Variants in NDE1 observed in about 807,000 individuals in gnomAD.
NDE1 encodes the protein nudE neurodevelopment protein 1.
A neutral mutation model predicts 43.4 loss-of-function variants in NDE1; 28 were observed. The ratio of observed to expected loss-of-function variants is 0.65; its 90% confidence interval spans 0.48 to 0.89. NDE1 has a LOEUF of 0.89. Ranked by LOEUF, NDE1 falls within the 40% of genes least tolerant of loss-of-function variation. The pLI is 0.00. For synonymous variants in NDE1, 184 were observed against 172.0 expected (o/e 1.07, Z -0.55); for missense variants, 441 against 434.1 (o/e 1.02, Z -0.14).
chr16:15,708,864 G>T, intron 8 of NDE1: 3 of 1,607,388 alleles, frequency 1.9e-6, no homozygotes, highest in Non-Finnish European at 2.5e-6. Flanking sequence ...GAGAATCCCC[G>T]GAGGTTACCA....
rs2037970236 is a variant in NDE1 at position 15,677,922 on chromosome 16, C to G, written c.359C>G (p.Ala120Gly). Residue 120 changes from alanine to glycine, a missense_variant, in exon 4 of 9, where the codon GCA (alanine) becomes GGA (glycine). Physicochemically the swap from Ala to Gly is moderately conservative, Grantham distance 60. Coordinates refer to ENST00000396354, the MANE Select transcript of NDE1 (RefSeq NM_017668.3). ...LQKYIRELEQ[A>G]NDDLERAKRA... ...AAATACATCAGAGAGCTGGAGCAAG[C>G]AAATGACGACCTGGAAAGAGCCAAG... 1 of 1,613,910 alleles carries G rather than the reference C, an allele frequency of 6.2e-7. No individual in the cohort carries two copies. The highest frequency in any genetic ancestry group is 1.3e-5 in the African/African-American group (1 of 74,872).
chr16:15,692,125 C>A (rs1032866945), intron 6 of NDE1, among the ~76,000 whole-genome samples: 1 of 152,148 alleles, frequency 6.6e-6, no homozygotes, highest in East Asian at 1.9e-4. Context: ...TCCGATCAGG[C>A]CTTTTACAGC....
chr16:15,718,143 C>T (rs905217721), intron 8 of NDE1: 4 of 1,009,942 alleles, frequency 4.0e-6, no homozygotes, highest in Admixed American at 4.1e-5. Flanking sequence ...AAGACAGCAG[C>T]CTGGGCACTG....
At chr16:15,651,378 C>A (rs1408081111) in intron 1 of NDE1, 1 of 150,902 alleles carries the variant, frequency 6.6e-6, no homozygotes, top group Non-Finnish European at 1.5e-5. Context: ...ACTCCTAAAG[C>A]CTCTTGTTAC....
At chr16:15,705,874 G>A (rs1009483284) in intron 8 of NDE1, among the ~76,000 whole-genome samples, 2 of 151,218 alleles carry the variant, frequency 1.3e-5, no homozygotes, top group Admixed American at 6.6e-5. Context: ...CCAGCTACTC[G>A]GGAGGGAGGC....
intron 4 of NDE1, among the ~76,000 whole-genome samples, chr16:15,681,115 A>G (rs1197837165): frequency 1.4e-5 from 2 of 141,526 alleles, no homozygotes; most frequent in South Asian, 2.2e-4. Context: ...ATATTTTTTA[A>G]TTGTTTAATT....
At chr16:15,695,702 C>T (rs1375930277) in intron 7 of NDE1, 3 of 985,152 alleles carry the variant, frequency 3.0e-6, no homozygotes, top group Admixed American at 1.2e-4. Context: ...GTAGCTACAA[C>T]TTAATAGAAG....
At position 15,677,786 on chromosome 16, in the gene NDE1, T is replaced by C. The variant is rs776294600; in HGVS notation, c.238-15T>C. On this transcript the variant is annotated splice_polypyrimidine_tract_variant and intron_variant, in intron 3 of 8. Coordinates refer to ENST00000396354, the MANE Select transcript of NDE1 (RefSeq NM_017668.3). ...AGTCTTAAGTCATTCACTCAGTGTCTGTGTTGTCCTTCAGGAGAAGTTTGA... is the reference window on the plus strand; with the variant it reads ...AGTCTTAAGTCATTCACTCAGTGTCCGTGTTGTCCTTCAGGAGAAGTTTGA... 5.6e-6 allele frequency: 9 copies of C among 1,613,898 alleles called. No homozygotes were observed. Among genetic ancestry groups the C allele is most frequent in the African/African-American group, 4.0e-5 (3 of 74,908 alleles).
At chr16:15,695,795 T>A in intron 7 of NDE1, 1 of 796,054 alleles carries the variant, frequency 1.3e-6, no homozygotes. Flanking sequence ...CATTTCAGTA[T>A]TTAGCCTAGT....
At chr16:15,709,202 A>G (rs1019267167) in intron 8 of NDE1, among the ~76,000 whole-genome samples, 2 of 152,068 alleles carry the variant, frequency 1.3e-5, no homozygotes, top group South Asian at 4.2e-4. Context: ...TGGCCTCCCA[A>G]GGTGCTGGGA....
At chr16:15,709,091 C>T (rs1431603793) in intron 8 of NDE1, among the ~76,000 whole-genome samples, 3 of 151,534 alleles carry the variant, frequency 2.0e-5, no homozygotes, top group Non-Finnish European at 4.4e-5. Context: ...TACAGGCAGG[C>T]CCCACGTGCT....
chr16:15,674,552 C>T (rs1021346724), intron 3 of NDE1, among the ~76,000 whole-genome samples: 5 of 152,064 alleles, frequency 3.3e-5, no homozygotes, highest in African/African-American at 1.2e-4. Context: ...CCCGGCCTGT[C>T]TTTGTTTTTA....
At chr16:15,685,841 G>A (rs1308438331) in intron 4 of NDE1, among the ~76,000 whole-genome samples, 1 of 152,090 alleles carries the variant, frequency 6.6e-6, no homozygotes, top group African/African-American at 2.4e-5. Context: ...GTGGGATACA[G>A]TTAGCAGGTT....
Position 15,700,030 on chromosome 16 carries a change from C to T in NDE1, c.947+3170C>T, listed in dbSNP as rs527460103. ...GAAATGTCTTTTCATCCTTACCTGCCACCGTGTGCATTGCAAAGAGGGACA... is the reference window on the plus strand; with the variant it reads ...GAAATGTCTTTTCATCCTTACCTGCTACCGTGTGCATTGCAAAGAGGGACA... On this transcript the variant is annotated intron_variant, in intron 8 of 8. Coordinates refer to ENST00000396354, the MANE Select transcript of NDE1 (RefSeq NM_017668.3). 6.8e-6 allele frequency: 8 copies of T among 1,183,970 alleles called. No individual in the cohort carries two copies. The African/African-American group carries it at 9.6e-5, about 14-fold the overall frequency. 73.3% of individuals were successfully genotyped at this position (1,183,970 alleles called of 1,614,324 possible). A position where few individuals can be genotyped will look rare whatever the true frequency, so the allele number is the denominator to read the frequency against.
At chr16:15,666,638 C>T (rs2037323336) in intron 2 of NDE1, among the ~76,000 whole-genome samples, 1 of 152,070 alleles carries the variant, frequency 6.6e-6, no homozygotes, top group Admixed American at 6.6e-5. Context: ...ATTTTAGAGT[C>T]AGGGTCTCAC....
intron 8 of NDE1, chr16:15,718,495 C>A: frequency 6.5e-7 from 1 of 1,534,710 alleles, no homozygotes; most frequent in Non-Finnish European, 8.7e-7. Flanking sequence ...TAAAAGATGC[C>A]CCCTCCTTGG....
chr16:15,654,675 G>A (rs999967743), intron 1 of NDE1, among the ~76,000 whole-genome samples: 1 of 147,430 alleles, frequency 6.8e-6, no homozygotes, highest in Non-Finnish European at 1.5e-5. Flanking sequence ...TCTGCAGTCA[G>A]TCAGTTTGCA....
chr16:15,715,120 G>T, intron 8 of NDE1: 1 of 1,611,964 alleles, frequency 6.2e-7, no homozygotes, highest in Non-Finnish European at 8.5e-7. Flanking sequence ...GGGGAGGCCG[G>T]CTGGGGGCTG....
At chr16:15,694,015 G>A (rs2038885526) in intron 6 of NDE1, 150 bp from the exon 7 acceptor site, 8 of 896,320 alleles carry the variant, frequency 8.9e-6, no homozygotes, top group East Asian at 2.6e-5. Context: ...TGTGTGATGC[G>A]GTTAACTACG....
Sources: gnomAD v4.1 joint callset for allele counts (sites outside exome capture counted in the v4.1 genomes callset) on GRCh38, gnomAD v4.1.1 for gene constraint, MANE v1.5 for transcripts, NCBI Gene and HGNC (gene_info 2026-07-23, HGNC 2026-07-21) for gene names.